The following SETD2 variants were observed in gnomAD, a reference collection of about 807,000 sequenced individuals.
The protein encoded by SETD2 is histone-lysine N-methyltransferase SETD2.
Under a neutral mutation model 242.1 loss-of-function variants are expected in SETD2, and 31 were observed. The observed-to-expected ratio is 0.13, with a 90% CI of 0.10 to 0.17. The LOEUF is 0.17. Among genes scored for constraint, SETD2 ranks in the 10% least tolerant of loss-of-function variants. The pLI, the probability that SETD2 is intolerant of heterozygous loss-of-function variation, is 1.00. For synonymous variants in SETD2, 1,006 were observed against 1,066.5 expected (o/e 0.94, Z 1.11); for missense variants, 2,481 against 3,046.3 (o/e 0.81, Z 4.37).
intron 18 of SETD2, among the ~76,000 whole-genome samples, chr3:47,029,684 T>C (rs1016373577): frequency 6.6e-6 from 1 of 152,124 alleles, no homozygotes; most frequent in Non-Finnish European, 1.5e-5. Context: ...AAAGCTACAA[T>C]AAAGCTACAA....
intron 4 of SETD2, among the ~76,000 whole-genome samples, chr3:47,116,324 C>T (rs146142077): frequency 1.3e-5 from 2 of 152,156 alleles, no homozygotes. Flanking sequence ...CCAACATTTA[C>T]CTCTAGGACA....
At chr3:47,045,215 GTA>G (rs370943052) in intron 16 of SETD2, among the ~76,000 whole-genome samples, 7 of 152,072 alleles carry the variant, frequency 4.6e-5, no homozygotes, top group African/African-American at 1.7e-4. Context: ...GTGAAACCCC[GTA>G]TCTAAAAATA....
In SETD2 at chr3:47,057,022, A is replaced by G; in HGVS notation, c.6762T>C (p.Val2254=). The G allele has an allele frequency of 6.2e-7, 1 of 1,614,280 alleles. No homozygotes were observed. The highest frequency in any genetic ancestry group is 1.3e-5 in the African/African-American group (1 of 75,080). The change falls in exon 15 of 21, where the codon GTT becomes GTC. Residue 2254 remains valine (V), a synonymous_variant. Transcript: ENST00000409792. ...CGGGGGCCGGCACTGGCAAGACAGC[A>G]ACGCTGGAGTCTTGGTGTACTACAC... The part of the protein sequence containing the change: ...SDGVVHQDSS[V]AVLPVPAPGP...
rs2038044673 is a variant in SETD2, at chr3:47,017,750, A to C, written c.7432-11T>G. On this transcript the variant is annotated splice_polypyrimidine_tract_variant and intron_variant, in intron 19 of 20. Transcript: ENST00000409792. This position sits in a 1 kb window ranked among gnomAD's most constrained non-coding sequence, Gnocchi z 4.8. ...GATGAACTGGGACATCTGCAGGCAG[A>C]GAAAAGAGAACACGTTGCTCAACAG... The C allele has an allele frequency of 2.5e-6, 4 of 1,596,916 alleles. No individual in the cohort carries two copies. Among genetic ancestry groups the C allele is most frequent in the Non-Finnish European group, 3.4e-6 (4 of 1,164,384 alleles).
At chr3:47,117,281 C>CA (rs71615400) in intron 3 of SETD2, among the ~76,000 whole-genome samples, 2 of 53,574 alleles carry the variant, frequency 3.7e-5, no homozygotes, top group African/African-American at 7.8e-5. Flanking sequence ...AAAAAAAAAA[C>CA]AAACAAAAAA....
At chr3:47,046,401 AC>A in intron 16 of SETD2, 85 bp downstream of exon 16, 1 of 1,272,558 alleles carries the variant, frequency 7.9e-7, no homozygotes, top group South Asian at 2.1e-5. Context: ...CAAAAATAAA[AC>A]CCAAAACAAA....
At chr3:47,029,090 G>A (rs184387976) in intron 18 of SETD2, 2,572 of 162,822 alleles carry the variant, frequency 0.016, 33 homozygotes, top group Non-Finnish European at 0.024. Context: ...TTGAGACGAG[G>A]TCTCACTCTG....
chr3:47,145,299 A>G (rs925641300), intron 1 of SETD2, among the ~76,000 whole-genome samples: 10 of 152,214 alleles, frequency 6.6e-5, no homozygotes, highest in Non-Finnish European at 4.4e-5. Flanking sequence ...TTTATGTTTC[A>G]TATACCCCTT....
chr3:47,127,656 G>A (rs1432972114), intron 1 of SETD2: 5 of 366,968 alleles, frequency 1.4e-5, no homozygotes, highest in Non-Finnish European at 2.7e-5. Flanking sequence ...GAGGTCAGGA[G>A]CTCGAGACCA....
intron 2 of SETD2, among the ~76,000 whole-genome samples, chr3:47,126,154 T>C (rs1056945522): frequency 5.9e-5 from 9 of 152,198 alleles, no homozygotes; most frequent in Admixed American, 3.3e-4. Context: ...CTCAGTCTCC[T>C]GAGTAGCTGG....
chr3:47,137,380 A>G (rs1467307099), intron 1 of SETD2, among the ~76,000 whole-genome samples: 1 of 151,676 alleles, frequency 6.6e-6, no homozygotes, highest in African/African-American at 2.4e-5. Flanking sequence ...TTTAGTAGAG[A>G]TGGGGTTTCA....
chr3:47,070,447 T>A (rs766176375), intron 12 of SETD2, among the ~76,000 whole-genome samples: 12 of 152,328 alleles, frequency 7.9e-5, no homozygotes, highest in African/African-American at 2.9e-4. Context: ...GTCTCCTCCT[T>A]ATTTTATATA....
intron 1 of SETD2, among the ~76,000 whole-genome samples, chr3:47,151,947 G>A (rs1429814317): frequency 6.6e-6 from 1 of 152,014 alleles, no homozygotes; most frequent in Non-Finnish European, 1.5e-5. Context: ...TATAATTGGG[G>A]GAACAGTCTT....
At chr3:47,086,137 C>T (rs750412161) in intron 11 of SETD2, 58 bp downstream of exon 11, 65 of 1,589,446 alleles carry the variant, frequency 4.1e-5, no homozygotes, top group East Asian at 2.0e-4. Flanking sequence ...CACATATCCA[C>T]AACCGAGGCA....
chr3:47,105,495 T>C (rs2042376486), intron 6 of SETD2, among the ~76,000 whole-genome samples: 2 of 151,646 alleles, frequency 1.3e-5, no homozygotes, highest in Non-Finnish European at 2.9e-5. Flanking sequence ...TATCTTTACA[T>C]ATATATATGT....
At chr3:47,028,481 A>G (rs2038607944) in intron 18 of SETD2, among the ~76,000 whole-genome samples, 1 of 152,200 alleles carries the variant, frequency 6.6e-6, no homozygotes, top group African/African-American at 2.4e-5. Context: ...ATGCCTTAGG[A>G]GATACCCTAG....
At chr3:47,115,060 C>T (rs1198525126) in intron 4 of SETD2, among the ~76,000 whole-genome samples, 3 of 152,042 alleles carry the variant, frequency 2.0e-5, no homozygotes, top group Non-Finnish European at 2.9e-5. Context: ...GGCAGAATCT[C>T]TAATGATACA....
chr3:47,030,868 A>T, intron 18 of SETD2, among the ~76,000 whole-genome samples: 1 of 152,220 alleles, frequency 6.6e-6, no homozygotes, highest in Non-Finnish European at 1.5e-5. Context: ...TCCTTCAGTA[A>T]GTGAATGATA....
chr3:47,061,669 A>C (rs543416480), intron 14 of SETD2, among the ~76,000 whole-genome samples: 1 of 152,356 alleles, frequency 6.6e-6, no homozygotes, highest in Admixed American at 6.5e-5. Flanking sequence ...AAGCAAATTT[A>C]ATTTAAAAAG....
Sources: allele counts gnomAD v4.1 joint callset (sites outside exome capture counted in the v4.1 genomes callset), GRCh38; gene constraint gnomAD v4.1.1; non-coding constraint Gnocchi (gnomAD v3.1); transcripts MANE v1.5; gene names NCBI Gene and HGNC (gene_info 2026-07-23, HGNC 2026-07-21).